SLC22A25: variants seen among roughly 807,000 people sequenced by gnomAD.
SLC22A25 encodes MGI:2442751, MGI:2385316, MGI:3042283, MGI:3645714, MGI:3605624, MGI:2442750.
In SLC22A25, 44 loss-of-function variants were observed where a neutral mutation model predicts 45.9. The observed-to-expected ratio is 0.96, with a 90% CI of 0.75 to 1.23. The LOEUF is 1.23. SLC22A25 is among the 50% of genes most tolerant of loss of function. The pLI is 0.00. For missense variants in SLC22A25, 800 were observed against 666.4 expected (o/e 1.20, Z -2.21); for synonymous variants, 283 against 238.6 (o/e 1.19, Z -1.72).
Position 63,227,596 on chromosome 11 carries a change from G to T in SLC22A25, c.506+865C>A, listed in dbSNP as rs562225864. 3.9e-5 allele frequency among the ~76,000 whole-genome samples: 6 copies of T among 152,280 alleles called. No individual in the cohort carries two copies. In the South Asian group the frequency reaches 1.2e-3, roughly 32 times the overall value. On this transcript the variant is annotated intron_variant, in intron 5 of 11. Coordinates refer to ENST00000306494, the MANE Select transcript of SLC22A25 (RefSeq NM_199352.6). Reference sequence around the variant, plus strand: ...AAGGAGTCTATTTTGGAGGTGCAAGGTGCATTGTCTGTGGTTGGGGAGGGA... The same window carrying T: ...AAGGAGTCTATTTTGGAGGTGCAAGTTGCATTGTCTGTGGTTGGGGAGGGA...
At chr11:63,213,623 G>C (rs1216392075) in intron 7 of SLC22A25, among the ~76,000 whole-genome samples, 2 of 152,176 alleles carry the variant, frequency 1.3e-5, no homozygotes, top group Non-Finnish European at 2.9e-5. Context: ...AAGGACTTCT[G>C]TGTGAAAATC....
chr11:63,225,470 G>A (rs1175599840), intron 5 of SLC22A25, among the ~76,000 whole-genome samples: 1 of 152,156 alleles, frequency 6.6e-6, no homozygotes, highest in Non-Finnish European at 1.5e-5. Context: ...GTCCTGGCCT[G>A]TAAGGTTTGC....
Position 63,228,383 on chromosome 11 carries a change from A to G in SLC22A25, c.506+78T>C, listed in dbSNP as rs2090003432. On this transcript the variant is annotated intron_variant, in intron 5 of 11. Coordinates refer to ENST00000306494, the MANE Select transcript of SLC22A25 (RefSeq NM_199352.6). ...GAGCAACAGGATAGTGTGATTTCCA[A>G]AAATATTTCTAGATGAAAAGTGTTT... is the stretch of plus-strand genomic sequence containing the variant. 5 of 1,238,822 alleles carry G rather than the reference A, an allele frequency of 4.0e-6. No homozygotes were observed. The Admixed American group carries it at 1.1e-4, about 26-fold the overall frequency. The allele number at this position is 1,238,822 out of a possible 1,614,324, so 76.7% of individuals were successfully genotyped here. A position where few individuals can be genotyped will look rare whatever the true frequency, so the allele number is the denominator to read the frequency against.
chr11:63,219,931 C>A (rs747065087), intron 5 of SLC22A25: 16 of 1,289,070 alleles, frequency 1.2e-5, no homozygotes, highest in African/African-American at 1.5e-5. Flanking sequence ...AGGAGAGATA[C>A]CAGAAGACGT....
intron 9 of SLC22A25, among the ~76,000 whole-genome samples, chr11:63,174,838 C>T (rs1004515022): frequency 6.6e-6 from 1 of 152,056 alleles, no homozygotes; most frequent in African/African-American, 2.4e-5. Context: ...CTACTTTCTG[C>T]TTCTATAAAT....
At chr11:63,216,752 G>A (rs764317348) in intron 7 of SLC22A25, among the ~76,000 whole-genome samples, 18 of 152,056 alleles carry the variant, frequency 1.2e-4, no homozygotes, top group Non-Finnish European at 2.9e-5. Flanking sequence ...TCTGTACAAC[G>A]AATCCTCATT....
rs1374908410 is a variant in SLC22A25, at chr11:63,177,864, A to T, written c.1070+2796T>A. 4.4e-3 allele frequency among the ~76,000 whole-genome samples: 137 copies of T among 31,014 alleles called. 1 individual carries two copies. Among genetic ancestry groups the T allele is most frequent in the Middle Eastern group, 0.031 (2 of 64 alleles). 20.3% of individuals were successfully genotyped at this position (31,014 alleles called of 152,430 possible). A position where few individuals can be genotyped will look rare whatever the true frequency, so the allele number is the denominator to read the frequency against. On this transcript the variant is annotated intron_variant, in intron 9 of 11. Coordinates refer to ENST00000306494, the MANE Select transcript of SLC22A25 (RefSeq NM_199352.6). ...GTATATATATATAATGTATATATAT[A>T]ATATATATAATGTATATATATAATA...
chr11:63,219,520 G>A (rs1462787559), intron 5 of SLC22A25, among the ~76,000 whole-genome samples: 1 of 152,152 alleles, frequency 6.6e-6, no homozygotes, highest in African/African-American at 2.4e-5. Flanking sequence ...AATCCACTAT[G>A]TGAATATCCT....
At chr11:63,171,970 G>C (rs2134716758) in intron 9 of SLC22A25, among the ~76,000 whole-genome samples, 1 of 152,124 alleles carries the variant, frequency 6.6e-6, no homozygotes, top group East Asian at 1.9e-4. Flanking sequence ...TAGACCAATG[G>C]AGCGAACAGA....
At chr11:63,176,951 T>C (rs143311148) in intron 9 of SLC22A25, among the ~76,000 whole-genome samples, 42 of 152,192 alleles carry the variant, frequency 2.8e-4, no homozygotes, top group African/African-American at 9.9e-4. Flanking sequence ...TGTTGACAGA[T>C]TCACTCAGTT....
chr11:63,212,140 A>G (rs2089585181), intron 7 of SLC22A25, among the ~76,000 whole-genome samples: 1 of 152,116 alleles, frequency 6.6e-6, no homozygotes. Context: ...ACCAGTTAGA[A>G]TGGCGATCAT....
chr11:63,170,134 T>C (rs981049331), intron 9 of SLC22A25, among the ~76,000 whole-genome samples: 9 of 152,044 alleles, frequency 5.9e-5, no homozygotes, highest in Non-Finnish European at 1.3e-4. Context: ...AAAGACAAAA[T>C]GTATGAGAAT....
chr11:63,187,437 G>A (rs996341073), intron 7 of SLC22A25, among the ~76,000 whole-genome samples: 2 of 152,182 alleles, frequency 1.3e-5, no homozygotes, highest in African/African-American at 2.4e-5. Context: ...AGCTTAAGGA[G>A]ATTTTGGGCT....
chr11:63,200,694 A>T (rs2089210955), intron 7 of SLC22A25, among the ~76,000 whole-genome samples: 1 of 152,190 alleles, frequency 6.6e-6, no homozygotes, highest in African/African-American at 2.4e-5. Flanking sequence ...AGGGCATCCA[A>T]ATAGGAAGAG....
rs181499225 is a variant in SLC22A25, at chr11:63,195,929, G to C, written c.831-12112C>G. Reference sequence around the variant, plus strand: ...AAAATGACAAAGGGGATATCACCACGGATCCCACAGAAATACAAACTACCA... The same window carrying C: ...AAAATGACAAAGGGGATATCACCACCGATCCCACAGAAATACAAACTACCA... On this transcript the variant is annotated intron_variant, in intron 7 of 11. Transcript: ENST00000306494. Among the ~76,000 whole-genome samples the C allele has an allele frequency of 1.5e-3, 228 of 152,046 alleles. 2 individuals are homozygous for C. The highest frequency in any genetic ancestry group is 2.0e-3 in the Non-Finnish European group (133 of 67,932).
chr11:63,194,529 C>T (rs1033108062), intron 7 of SLC22A25, among the ~76,000 whole-genome samples: 2 of 151,956 alleles, frequency 1.3e-5, no homozygotes, highest in African/African-American at 2.4e-5. Context: ...GATTTTGTCA[C>T]CATCAGGCCT....
intron 7 of SLC22A25, among the ~76,000 whole-genome samples, chr11:63,196,263 A>G (rs1260088445): frequency 2.0e-5 from 3 of 152,230 alleles, no homozygotes; most frequent in Admixed American, 6.5e-5. Context: ...TGAGGCCAGC[A>G]TAATCCTGAT....
rs756881733 is a variant in SLC22A25 at position 63,217,671 on chromosome 11, C to A, written c.571G>T (p.Ala191Ser). 1.2e-5 allele frequency: 19 copies of A among 1,613,918 alleles called. No homozygotes were observed. The highest frequency in any genetic ancestry group is 1.7e-5 in the Admixed American group (1 of 59,914). Residue 191 changes from alanine (A) to serine (S), a missense_variant, in exon 6 of 12, where the codon GCC (alanine) becomes TCC (serine). Coordinates refer to ENST00000306494, the MANE Select transcript of SLC22A25 (RefSeq NM_199352.6). ...LQLAIVGTCA[A>S]FAPTILVYCS... Reference sequence around the variant, plus strand: ...TATACGAGGATGGTGGGAGCAAAGGCCGCACAGGTGCCTACAATGGCGAGC... The same window carrying A: ...TATACGAGGATGGTGGGAGCAAAGGACGCACAGGTGCCTACAATGGCGAGC...
In SLC22A25 at chr11:63,160,721, C is replaced by A. The variant is rs1460023572; in HGVS notation, c.*3103G>T. On this transcript the variant is annotated 3_prime_UTR_variant, in exon 12 of 12. Coordinates refer to ENST00000306494, the MANE Select transcript of SLC22A25 (RefSeq NM_199352.6). ...GCTGCAGACACTCAATGCCAGGTCA[C>A]AAAAGCAGCCAGGAGGGAGGCTGTA... 6.6e-6 allele frequency among the ~76,000 whole-genome samples: 1 copy of A among 152,128 alleles called. No homozygotes were observed. The highest frequency in any genetic ancestry group is 1.5e-5 in the Non-Finnish European group (1 of 68,016).
Sources: allele counts gnomAD v4.1 joint callset (sites outside exome capture counted in the v4.1 genomes callset), GRCh38; gene constraint gnomAD v4.1.1; transcripts MANE v1.5; gene names NCBI Gene and HGNC (gene_info 2026-07-23, HGNC 2026-07-21).